CFAP20DC: variants seen among roughly 807,000 people sequenced by gnomAD.
CFAP20DC encodes CFAP20 domain containing, also known as protein CFAP20DC.
CFAP20DC carries 84 observed loss-of-function variants against 101.7 expected under a neutral mutation model. That is an observed-to-expected ratio of 0.83 (90% CI 0.69 to 0.99). CFAP20DC has a LOEUF of 0.99. Among genes scored for constraint, CFAP20DC ranks in the 50% least tolerant of loss-of-function variants. The pLI, the probability that CFAP20DC is intolerant of heterozygous loss-of-function variation, is 0.00. For missense variants in CFAP20DC, 1,007 were observed against 970.3 expected (o/e 1.04, Z -0.50); for synonymous variants, 359 against 351.2 (o/e 1.02, Z -0.25).
chr3:59,038,577 T>G (rs1265555024), intron 4 of CFAP20DC, among the ~76,000 whole-genome samples: 3 of 152,332 alleles, frequency 2.0e-5, no homozygotes, highest in African/African-American at 7.2e-5. Context: ...TAACAGCATG[T>G]GCTCACTTTG....
chr3:58,716,837 G>A (rs2067405773), downstream of CFAP20DC, among the ~76,000 whole-genome samples: 1 of 152,046 alleles, frequency 6.6e-6, no homozygotes, highest in Non-Finnish European at 1.5e-5. Context: ...GGTCACTCAG[G>A]AAAAGGGCCA....
intron 4 of CFAP20DC, among the ~76,000 whole-genome samples, chr3:58,978,540 C>T (rs1334538696): frequency 6.6e-6 from 1 of 151,928 alleles, no homozygotes; most frequent in Non-Finnish European, 1.5e-5. Context: ...GAAACCCCAT[C>T]TCTGCTAAAA....
At chr3:58,797,882 G>T (rs1559603189) in intron 15 of CFAP20DC, among the ~76,000 whole-genome samples, 1 of 152,062 alleles carries the variant, frequency 6.6e-6, no homozygotes, top group Non-Finnish European at 1.5e-5. Context: ...TGTATAAAAG[G>T]ACCAACAAAG....
rs1700157777 is a variant in CFAP20DC at position 59,049,656 on chromosome 3, G to C, written c.-25C>G. On this transcript the variant is annotated 5_prime_UTR_variant, in exon 1 of 17. Transcript: ENST00000482387. ...TTCCCGCAGGGGGCCCAGGGCTTGG[G>C]GGGCACAGAGTTCAGGGTTTCCAGC... 6.5e-7 allele frequency: 1 copy of C among 1,535,854 alleles called. No homozygotes were observed. Among genetic ancestry groups the C allele is most frequent in the Non-Finnish European group, 8.7e-7 (1 of 1,146,678 alleles).
intron 3 of CFAP20DC, chr3:58,727,229 C>T (rs1440369944): frequency 6.5e-6 from 1 of 153,786 alleles, no homozygotes; most frequent in Non-Finnish European, 1.4e-5. Flanking sequence ...AGAATATGTC[C>T]TCCTTGGGGG....
At chr3:58,740,415 G>C (rs564847927), downstream of CFAP20DC, among the ~76,000 whole-genome samples, 4 of 152,246 alleles carry the variant, frequency 2.6e-5, no homozygotes, top group African/African-American at 7.2e-5. The surrounding 1 kb of genome is among the most constrained non-coding windows in gnomAD (Gnocchi z 4.6). Flanking sequence ...GCAGAAAAAA[G>C]TGGTGCTGTC....
intron 16 of CFAP20DC, among the ~76,000 whole-genome samples, chr3:58,748,492 C>T (rs956166562): frequency 1.3e-5 from 2 of 152,116 alleles, no homozygotes; most frequent in Admixed American, 1.3e-4. Flanking sequence ...TAGTGAGGCA[C>T]TGATTTCCCC....
chr3:58,845,370 G>A (rs1288352485), intron 13 of CFAP20DC, among the ~76,000 whole-genome samples: 3 of 151,970 alleles, frequency 2.0e-5, no homozygotes, highest in South Asian at 2.1e-4. Context: ...TACCATCAGG[G>A]AATACTACAA....
intron 4 of CFAP20DC, among the ~76,000 whole-genome samples, chr3:59,013,147 C>A (rs2093622869): frequency 6.6e-6 from 1 of 152,192 alleles, no homozygotes; most frequent in African/African-American, 2.4e-5. Flanking sequence ...ATTCCACTTG[C>A]ATTTCATCGA....
At chr3:58,726,587 T>G (rs1209659974) in intron 3 of CFAP20DC, 1 of 178,316 alleles carries the variant, frequency 5.6e-6, no homozygotes, top group African/African-American at 2.4e-5. Flanking sequence ...TCAGAATAAA[T>G]GAAAGTGACC....
intron 5 of CFAP20DC, among the ~76,000 whole-genome samples, chr3:58,926,821 A>C (rs2086037931): frequency 6.6e-6 from 1 of 152,338 alleles, no homozygotes; most frequent in Non-Finnish European, 1.5e-5. Context: ...GAGGTTACTA[A>C]AAGACTCTGG....
chr3:58,752,752 G>T (rs572674576), intron 16 of CFAP20DC, among the ~76,000 whole-genome samples: 2 of 151,946 alleles, frequency 1.3e-5, no homozygotes, highest in African/African-American at 2.4e-5. Flanking sequence ...CGGCCAAAAC[G>T]TACAACTCAG....
At chr3:58,885,819 T>C (rs1319861317) in intron 6 of CFAP20DC, among the ~76,000 whole-genome samples, 2 of 152,108 alleles carry the variant, frequency 1.3e-5, no homozygotes, top group East Asian at 3.9e-4. Flanking sequence ...TAGTATTCCA[T>C]GGTGTTTGTA....
chr3:58,918,897 C>T (rs1416942565), intron 5 of CFAP20DC, among the ~76,000 whole-genome samples: 1 of 152,172 alleles, frequency 6.6e-6, no homozygotes, highest in African/African-American at 2.4e-5. Flanking sequence ...TACATGCAAA[C>T]ACTTATAAAA....
intron 6 of CFAP20DC, among the ~76,000 whole-genome samples, chr3:58,896,807 T>C (rs2082701899): frequency 6.6e-6 from 1 of 152,188 alleles, no homozygotes; most frequent in South Asian, 2.1e-4. Flanking sequence ...TTCTGATTTA[T>C]GTGATCAATT....
intron 13 of CFAP20DC, among the ~76,000 whole-genome samples, chr3:58,834,924 G>T (rs1447279919): frequency 6.6e-6 from 1 of 152,054 alleles, no homozygotes; most frequent in Admixed American, 6.6e-5. Context: ...TGGAATTAAA[G>T]TGCTTAGGAT....
At position 58,946,984 on chromosome 3, in the gene CFAP20DC, T is replaced by C. The variant is rs548144409; in HGVS notation, c.279-9222A>G. On this transcript the variant is annotated intron_variant, in intron 4 of 16. Transcript: ENST00000482387. ...ACATTTTACCAATGTAGTGAGAGGC[T>C]CAGAGACATTAAGCAACTTGTTCAA... Among the ~76,000 whole-genome samples, 12 of 152,304 alleles carry C rather than the reference T, an allele frequency of 7.9e-5. No individual in the cohort carries two copies. In the South Asian group the frequency reaches 2.5e-3, roughly 32 times the overall value.
At chr3:58,727,783 A>G (rs1011674491) in intron 3 of CFAP20DC, 2 of 152,074 alleles carry the variant, frequency 1.3e-5, no homozygotes, top group East Asian at 1.9e-4. Flanking sequence ...CTTGACTTCA[A>G]TCTATTGGGC....
intron 4 of CFAP20DC, among the ~76,000 whole-genome samples, chr3:58,980,495 A>T (rs1243598957): frequency 6.6e-6 from 1 of 152,178 alleles, no homozygotes; most frequent in South Asian, 2.1e-4. Flanking sequence ...CACATCAAAA[A>T]GCTTATCCAC....
Sources: gnomAD v4.1 joint callset for allele counts (sites outside exome capture counted in the v4.1 genomes callset) on GRCh38, gnomAD v4.1.1 for gene constraint, Gnocchi (gnomAD v3.1) non-coding constraint, MANE v1.5 for transcripts, NCBI Gene and HGNC (gene_info 2026-07-23, HGNC 2026-07-21) for gene names.